The following TXNRD1 variants were observed in gnomAD, a reference collection of about 807,000 sequenced individuals.
TXNRD1 encodes thioredoxin reductase 1.
In TXNRD1, 57 loss-of-function variants were observed where a neutral mutation model predicts 80.3. That is an observed-to-expected ratio of 0.71 (90% CI 0.57 to 0.89). The LOEUF (loss-of-function observed/expected upper bound fraction) is 0.89. Among genes scored for constraint, TXNRD1 ranks in the 40% least tolerant of loss-of-function variants. TXNRD1 has a pLI of 0.00. For missense variants in TXNRD1, 730 were observed against 803.0 expected, an observed-to-expected ratio of 0.91 and a Z score of 1.10; for synonymous variants, 291 against 285.2, an observed-to-expected ratio of 1.02 and a Z score of -0.20.
At chr12:104,327,710 A>G (rs1307251996) in intron 13 of TXNRD1, 39 bp downstream of exon 13, 1 of 1,599,184 alleles carries the variant, frequency 6.3e-7, no homozygotes, top group East Asian at 2.2e-5. Context: ...TACTGTTGTC[A>G]GTAATACTCC....
At chr12:104,327,397 T>G in intron 12 of TXNRD1, 118 bp from the exon 13 acceptor site, 2 of 975,218 alleles carry the variant, frequency 2.1e-6, no homozygotes, top group Non-Finnish European at 3.0e-6. Flanking sequence ...TTTAACACAT[T>G]AGAACATTGC....
chr12:104,272,344 TTGG>T (rs2033668635), intron 3 of TXNRD1, among the ~76,000 whole-genome samples: 1 of 152,060 alleles, frequency 6.6e-6, no homozygotes, highest in Non-Finnish European at 1.5e-5. Context: ...GGTGAGTGGT[TTGG>T]TGGGAAAAAT....
At chr12:104,227,387 G>T (rs568258779) in intron 1 of TXNRD1, among the ~76,000 whole-genome samples, 4 of 152,092 alleles carry the variant, frequency 2.6e-5, no homozygotes, top group Admixed American at 2.6e-4. Context: ...TGAGCCTCCT[G>T]AGTAGCTATG....
intron 4 of TXNRD1, chr12:104,291,191 TG>T: frequency 4.9e-6 from 2 of 408,540 alleles, no homozygotes; most frequent in Non-Finnish European, 4.4e-6. Context: ...TATTCTACTT[TG>T]TGTCTTTTTT....
At chr12:104,234,486 G>T (rs1362053773) in intron 1 of TXNRD1, among the ~76,000 whole-genome samples, 1 of 151,756 alleles carries the variant, frequency 6.6e-6, no homozygotes, top group Non-Finnish European at 1.5e-5. Flanking sequence ...GTGGAGAAGG[G>T]GTTTCACCAT....
At chr12:104,304,141 T>C (rs774068179) in intron 4 of TXNRD1, 4 of 1,614,046 alleles carry the variant, frequency 2.5e-6, no homozygotes, top group Non-Finnish European at 3.4e-6. Flanking sequence ...TAACCGAGGC[T>C]CTGGAGGAAG....
intron 4 of TXNRD1, among the ~76,000 whole-genome samples, chr12:104,303,373 A>C (rs2034720793): frequency 6.6e-6 from 1 of 152,238 alleles, no homozygotes; most frequent in South Asian, 2.1e-4. Context: ...CCGACGGTTT[A>C]CAGTCCAGCC....
At chr12:104,313,768 G>A (rs7303284) in intron 6 of TXNRD1, among the ~76,000 whole-genome samples, 10,791 of 152,210 alleles carry the variant, frequency 0.071, 656 homozygotes, top group African/African-American at 0.16. Context: ...AGGCAATGAC[G>A]ATATAGCAGT....
At chr12:104,226,054 A>C (rs551217222) in intron 1 of TXNRD1, among the ~76,000 whole-genome samples, 117 of 152,150 alleles carry the variant, frequency 7.7e-4, no homozygotes, top group African/African-American at 2.7e-3. Flanking sequence ...GCAAAAAATT[A>C]GCTGGGCGTG....
chr12:104,241,960 A>G (rs1268761285), intron 1 of TXNRD1, among the ~76,000 whole-genome samples: 1 of 6,826 alleles, frequency 1.5e-4, no homozygotes, highest in Non-Finnish European at 3.7e-4. Flanking sequence ...TTTTTTTTTG[A>G]GATGGAGTCT....
intron 4 of TXNRD1, among the ~76,000 whole-genome samples, chr12:104,307,727 C>T (rs2034976439): frequency 6.6e-6 from 1 of 152,116 alleles, no homozygotes; most frequent in Non-Finnish European, 1.5e-5. Context: ...AAAAGACTGC[C>T]ACAGTTGAAT....
At chr12:104,256,790 A>G (rs558071302) in intron 2 of TXNRD1, among the ~76,000 whole-genome samples, 3 of 142,516 alleles carry the variant, frequency 2.1e-5, no homozygotes, top group African/African-American at 2.6e-5. Flanking sequence ...AAAAAAAAAA[A>G]AGAAAAAGAA....
At chr12:104,265,324 A>G (rs912018905) in intron 3 of TXNRD1, 4 of 1,608,452 alleles carry the variant, frequency 2.5e-6, no homozygotes, top group Middle Eastern at 2.0e-4. Flanking sequence ...GGCCTCGGGC[A>G]CGCTACGAGA....
In TXNRD1 at chr12:104,281,494, C is replaced by T. The variant is rs536549236; in HGVS notation, c.305-7437C>T. ...GGATCTCGGCTCACTGCAAACTCCGCCTCCCGGGTTCACGCCATTCTCCTG... is the reference window on the plus strand; with the variant it reads ...GGATCTCGGCTCACTGCAAACTCCGTCTCCCGGGTTCACGCCATTCTCCTG... On this transcript the variant is annotated intron_variant, in intron 3 of 16. Coordinates refer to ENST00000525566, the MANE Select transcript of TXNRD1 (RefSeq NM_001093771.3). Among the ~76,000 whole-genome samples, 6 of 150,012 alleles carry T rather than the reference C, an allele frequency of 4.0e-5. No individual in the cohort carries two copies. The East Asian group carries it at 5.8e-4, about 15-fold the overall frequency.
chr12:104,341,340 T>G (rs1026840074), intron 16 of TXNRD1, among the ~76,000 whole-genome samples: 9 of 152,118 alleles, frequency 5.9e-5, no homozygotes, highest in African/African-American at 2.2e-4. Context: ...TTGGGTGAAA[T>G]CGCACTCTGT....
At chr12:104,308,564 T>C (rs553913465) in intron 4 of TXNRD1, among the ~76,000 whole-genome samples, 3 of 152,176 alleles carry the variant, frequency 2.0e-5, no homozygotes, top group Non-Finnish European at 4.4e-5. Context: ...ATTTCTAATA[T>C]AGTAAATAGA....
intron 2 of TXNRD1, among the ~76,000 whole-genome samples, chr12:104,257,212 G>A (rs1028424151): frequency 1.0e-3 from 152 of 151,546 alleles, no homozygotes; most frequent in African/African-American, 3.7e-3. Context: ...AGTATAATTT[G>A]TATAACCATG....
At chr12:104,289,961 T>C (rs1394954535) in intron 4 of TXNRD1, among the ~76,000 whole-genome samples, 1 of 152,186 alleles carries the variant, frequency 6.6e-6, no homozygotes, top group Non-Finnish European at 1.5e-5. Flanking sequence ...TGGGTGCATG[T>C]TTAAGGGAAC....
At chr12:104,296,191 C>T (rs148048003) in intron 4 of TXNRD1, among the ~76,000 whole-genome samples, 2 of 152,304 alleles carry the variant, frequency 1.3e-5, no homozygotes, top group South Asian at 4.1e-4. Flanking sequence ...GAGATACATG[C>T]TTGTGTCCTT....
Sources: gnomAD v4.1 joint callset for allele counts (sites outside exome capture counted in the v4.1 genomes callset) on GRCh38, gnomAD v4.1.1 for gene constraint, MANE v1.5 for transcripts, NCBI Gene and HGNC (gene_info 2026-07-23, HGNC 2026-07-21) for gene names.